Variants in ICA1 observed in about 807,000 individuals in gnomAD.
ICA1 encodes 69 kDa islet cell autoantigen.
ICA1 carries 40 observed loss-of-function variants against 71.0 expected under a neutral mutation model. The observed-to-expected ratio is 0.56, with a 90% confidence interval of 0.44 to 0.73. The LOEUF (loss-of-function observed/expected upper bound fraction) is 0.73. ICA1 is among the 30% of genes least tolerant of loss of function. The probability of loss-of-function intolerance (pLI) is 0.00; values close to 1 mark genes in which losing one functional copy is unlikely to be tolerated. For synonymous variants in ICA1, 207 were observed against 209.5 expected, an observed-to-expected ratio of 0.99 and a Z score of 0.10; for missense variants, 578 against 576.5, an observed-to-expected ratio of 1.00 and a Z score of -0.03.
At chr7:8,257,198 T>C (rs1810515801) in intron 1 of ICA1, among the ~76,000 whole-genome samples, 1 of 152,244 alleles carries the variant, frequency 6.6e-6, no homozygotes, top group African/African-American at 2.4e-5. Context: ...GATTGATTTC[T>C]TCCTTGATAG....
At chr7:8,164,080 G>A (rs577850354) in intron 6 of ICA1, among the ~76,000 whole-genome samples, 48 of 152,028 alleles carry the variant, frequency 3.2e-4, no homozygotes, top group Admixed American at 4.6e-4. Context: ...TGAGGTGGGC[G>A]GATCACCCGA....
At chr7:8,237,985 T>C (rs1802420397) in intron 1 of ICA1, among the ~76,000 whole-genome samples, 1 of 152,172 alleles carries the variant, frequency 6.6e-6, no homozygotes, top group African/African-American at 2.4e-5. Flanking sequence ...GCTGCAACTA[T>C]AGGCAAAGTG....
intron 1 of ICA1, among the ~76,000 whole-genome samples, chr7:8,256,978 C>T (rs978286629): frequency 6.6e-6 from 1 of 152,164 alleles, no homozygotes; most frequent in Non-Finnish European, 1.5e-5. Context: ...AGTAATTTAC[C>T]CAAAGTCAAC....
intron 1 of ICA1, among the ~76,000 whole-genome samples, chr7:8,242,060 G>C (rs1031424712): frequency 2.0e-5 from 3 of 152,118 alleles, no homozygotes; most frequent in Admixed American, 6.6e-5. Flanking sequence ...TCTGCACCAA[G>C]CAGACCTAAT....
intron 6 of ICA1, among the ~76,000 whole-genome samples, chr7:8,185,018 G>C (rs1375860700): frequency 1.3e-5 from 2 of 151,638 alleles, no homozygotes; most frequent in African/African-American, 4.9e-5. Flanking sequence ...AGGCTGCAGT[G>C]ACCTGAGATT....
chr7:8,157,267 C>T, intron 7 of ICA1, 53 bp from the exon 8 acceptor site: 2 of 1,493,966 alleles, frequency 1.3e-6, no homozygotes, highest in Non-Finnish European at 9.0e-7. Context: ...AGTTCTAGTC[C>T]TGGTCCCCAG....
In ICA1 at chr7:8,127,980, G is replaced by C; in HGVS notation, c.1223C>G (p.Pro408Arg). Reference sequence around the variant, plus strand: ...GTCTGGCTCTCCCAGGGCCATAGTGGGCACTGGCTCCTTCACTTGGCCGTC... The same window carrying C: ...GTCTGGCTCTCCCAGGGCCATAGTGCGCACTGGCTCCTTCACTTGGCCGTC... ...FGDGQVKEPV[P>R]TMALGEPDPK... Residue 408 changes from proline (P) to arginine (R), a missense_variant, in exon 13 of 14, where the codon CCC becomes CGC. By Grantham distance (103) the Pro-to-Arg change is moderately radical (BLOSUM62 -2). Coordinates refer to ENST00000402384, the MANE Select transcript of ICA1 (RefSeq NM_001136020.3). The C allele has an allele frequency of 6.2e-7, 1 of 1,614,194 alleles. No homozygotes were observed. The highest frequency in any genetic ancestry group is 8.5e-7 in the Non-Finnish European group (1 of 1,180,050).
intron 8 of ICA1, among the ~76,000 whole-genome samples, chr7:8,152,794 C>A (rs1444263049): frequency 3.7e-5 from 3 of 80,846 alleles, no homozygotes; most frequent in East Asian, 3.7e-4. Context: ...ATCACCATCA[C>A]CTCCACCACC....
intron 6 of ICA1, among the ~76,000 whole-genome samples, chr7:8,204,835 T>C (rs1790947829): frequency 6.6e-6 from 1 of 152,230 alleles, no homozygotes; most frequent in Non-Finnish European, 1.5e-5. Context: ...TATTGTCATC[T>C]CCTTAATGTC....
At chr7:8,135,814 G>A (rs1235272236) in intron 12 of ICA1, among the ~76,000 whole-genome samples, 1 of 152,160 alleles carries the variant, frequency 6.6e-6, no homozygotes, top group Non-Finnish European at 1.5e-5. Context: ...CCTGGAGAGG[G>A]ATCTTTTGGG....
At chr7:8,188,995 A>T (rs1215152168) in intron 6 of ICA1, among the ~76,000 whole-genome samples, 1 of 152,192 alleles carries the variant, frequency 6.6e-6, no homozygotes, top group Non-Finnish European at 1.5e-5. Flanking sequence ...CTGGGAGAGG[A>T]GTCAATTAAA....
intron 6 of ICA1, among the ~76,000 whole-genome samples, chr7:8,196,900 C>A (rs532305057): frequency 7.2e-5 from 11 of 152,048 alleles, no homozygotes; most frequent in African/African-American, 2.7e-4. Flanking sequence ...AATGGGAGAT[C>A]CCCTGGACAA....
chr7:8,125,395 T>C (rs752526168), intron 13 of ICA1, among the ~76,000 whole-genome samples: 5 of 152,164 alleles, frequency 3.3e-5, no homozygotes, highest in African/African-American at 4.8e-5. Flanking sequence ...CCTTAGGGCA[T>C]TGGCACAGGT....
rs1797492952 is a variant in ICA1 at position 8,222,723 on chromosome 7, C to G, written c.257-1325G>C. The stretch of plus-strand genomic sequence containing the variant: ...AGAGATAAATGATGACCCTGCTTCT[C>G]TTCTGTCTCTCAAAAATCAAGTTCA... On this transcript the variant is annotated intron_variant, in intron 4 of 13. Coordinates refer to ENST00000402384, the MANE Select transcript of ICA1 (RefSeq NM_001136020.3). The surrounding 1 kb of genome is among the most constrained non-coding windows in gnomAD (Gnocchi z 4.8). Among the ~76,000 whole-genome samples the G allele has an allele frequency of 6.6e-6, 1 of 152,236 alleles. No homozygotes were observed.
intron 5 of ICA1, 124 bp downstream of exon 5, chr7:8,221,151 G>C (rs771007264): frequency 1.9e-4 from 210 of 1,091,574 alleles, no homozygotes; most frequent in Non-Finnish European, 2.8e-4. Context: ...AGTGAGTACA[G>C]AGCAGCTCCT....
chr7:8,216,584 C>CAAAAAAAAAAAAAAAA (rs142208758), intron 6 of ICA1, among the ~76,000 whole-genome samples: 1 of 143,672 alleles, frequency 7.0e-6, no homozygotes. Context: ...AAAACAAAAC[C>CAAAAAAAAAAAAAAAA]AAAAAAAAAA....
In ICA1 at chr7:8,135,117, C is replaced by G. The variant is rs564824852; in HGVS notation, c.1060+3723G>C. On this transcript the variant is annotated intron_variant, in intron 12 of 13. Coordinates refer to ENST00000402384, the MANE Select transcript of ICA1 (RefSeq NM_001136020.3). ...TCTCGGTTCACTGCAACCTCCGCCT[C>G]CCGGGTTCAAGCGATTCTTCTGCCT... Among the ~76,000 whole-genome samples, 285 of 152,160 alleles carry G rather than the reference C, an allele frequency of 1.9e-3. 1 individual carries two copies. The highest frequency in any genetic ancestry group is 6.4e-3 in the African/African-American group (266 of 41,492).
At chr7:8,165,113 G>A (rs1290372816) in intron 6 of ICA1, among the ~76,000 whole-genome samples, 1 of 152,068 alleles carries the variant, frequency 6.6e-6, no homozygotes, top group Non-Finnish European at 1.5e-5. Flanking sequence ...CAAAACAGAA[G>A]GTCAGATATT....
intron 13 of ICA1, among the ~76,000 whole-genome samples, chr7:8,119,029 G>A (rs1283056156): frequency 6.6e-6 from 1 of 152,210 alleles, no homozygotes; most frequent in Non-Finnish European, 1.5e-5. Flanking sequence ...TGGTCTCTGA[G>A]GCTGCCTAGG....
Sources: gnomAD v4.1 joint callset for allele counts (sites outside exome capture counted in the v4.1 genomes callset) on GRCh38, gnomAD v4.1.1 for gene constraint, Gnocchi (gnomAD v3.1) non-coding constraint, MANE v1.5 for transcripts, NCBI Gene and HGNC (gene_info 2026-07-23, HGNC 2026-07-21) for gene names.